Variants in TMEM164 observed in about 807,000 individuals in gnomAD.
The protein encoded by TMEM164 is RP13-360B22.2.
TMEM164 carries 4 observed loss-of-function variants against 18.8 expected under a neutral mutation model. The observed-to-expected ratio is 0.21, with a 90% confidence interval of 0.10 to 0.49. The LOEUF (loss-of-function observed/expected upper bound fraction) is 0.49, where lower values mean the gene tolerates loss of function less well. Among genes scored for constraint, TMEM164 ranks in the 20% least tolerant of loss-of-function variants. TMEM164 has a pLI of 0.98. For missense variants in TMEM164, 108 were observed against 239.9 expected (o/e 0.45, Z 3.63); for synonymous variants, 86 against 101.7 (o/e 0.85, Z 0.93).
intron 4 of TMEM164, among the ~76,000 whole-genome samples, chrX:110,126,843 T>TGC (rs2066538527): frequency 1.9e-5 from 2 of 106,410 alleles, no homozygotes; most frequent in Non-Finnish European, 3.9e-5. Flanking sequence ...TGTGTGTGTG[T>TGC]GTGTGTGTGT....
At position 110,139,668 on chromosome X, in the gene TMEM164, A is replaced by C. The variant is rs760514841; in HGVS notation, c.508-5130A>C. ...AGTCAGACAGTTGGATTTAGCCAGG[A>C]ATGTGGTATTGCAAGGTAAGTAGGA... On this transcript the variant is annotated intron_variant, in intron 4 of 6. Transcript: ENST00000372068. 4.5e-5 allele frequency among the ~76,000 whole-genome samples: 5 copies of C among 111,680 alleles called. 1 individual carries two copies. Among genetic ancestry groups the C allele is most frequent in the Non-Finnish European group, 9.4e-5 (5 of 53,157 alleles).
intron 4 of TMEM164, among the ~76,000 whole-genome samples, 154 bp from the exon 5 acceptor site, chrX:110,144,644 T>C (rs768286544): frequency 1.2e-4 from 13 of 110,170 alleles, no homozygotes; most frequent in Non-Finnish European, 3.8e-5. Flanking sequence ...ATTTTGTTCT[T>C]TTTTTTTTCC....
chrX:110,092,805 C>T (rs2065951855), intron 3 of TMEM164, among the ~76,000 whole-genome samples: 1 of 111,995 alleles, frequency 8.9e-6, no homozygotes, highest in African/African-American at 3.2e-5. Context: ...AAAGGGAATG[C>T]TTCCAGTTTA....
intron 2 of TMEM164, among the ~76,000 whole-genome samples, chrX:110,017,409 T>TTC (rs1569295225): frequency 1.7e-3 from 70 of 40,213 alleles, no homozygotes; most frequent in African/African-American, 7.1e-3. Context: ...CTCCTTCCTT[T>TTC]CTTTCTTTCT....
intron 2 of TMEM164, among the ~76,000 whole-genome samples, chrX:110,051,939 C>T (rs963248970): frequency 8.9e-6 from 1 of 112,397 alleles, no homozygotes; most frequent in Non-Finnish European, 1.9e-5. Flanking sequence ...AGGAATATGA[C>T]ACATAGCAAA....
intron 5 of TMEM164, among the ~76,000 whole-genome samples, chrX:110,158,101 G>C (rs183301553): frequency 9.0e-6 from 1 of 111,650 alleles, no homozygotes; most frequent in East Asian, 2.8e-4. Context: ...TGGCCAGGCT[G>C]GTCTCAAACT....
chrX:110,181,726 ATAG>A (rs1415655939), downstream of TMEM164, among the ~76,000 whole-genome samples: 1 of 112,690 alleles, frequency 8.9e-6, no homozygotes, highest in Non-Finnish European at 1.9e-5. Flanking sequence ...CATTTGTAAA[ATAG>A]TAGTAAATAT....
Position 110,003,889 on chromosome X carries a change from C to G in TMEM164, c.115C>G (p.Leu39Val). The G allele has an allele frequency of 3.3e-6, 4 of 1,211,842 alleles. No homozygotes were observed. The highest frequency in any genetic ancestry group is 4.5e-6 in the Non-Finnish European group (4 of 895,492). ...TGCCTTCCTCTCTTGGCAGCAGCGG[C>G]TGCTGGAAAGTGTGGTGGTCCTGAC... ...CAAFLSWQQR[L>V]LESVVVLTLA... The change falls in exon 2 of 7, where the codon CTG (leucine) becomes GTG (valine). Residue 39 changes from leucine (L) to valine (V), a missense_variant. By Grantham distance (32) the Leu-to-Val change is conservative (BLOSUM62 1). Coordinates refer to ENST00000372068, the MANE Select transcript of TMEM164 (RefSeq NM_032227.4).
chrX:110,080,778 G>A (rs1008014945), intron 3 of TMEM164, among the ~76,000 whole-genome samples: 1 of 111,593 alleles, frequency 9.0e-6, no homozygotes, highest in African/African-American at 3.3e-5. Context: ...GAGTGCAGTG[G>A]TGCATTCACG....
chrX:110,107,763 G>A (rs560930432), intron 3 of TMEM164, among the ~76,000 whole-genome samples: 2 of 107,139 alleles, frequency 1.9e-5, no homozygotes, highest in South Asian at 8.7e-4. Flanking sequence ...GAGTTCAAGC[G>A]ATTCTTGTGC....
chrX:110,052,891 C>T (rs886344204), intron 2 of TMEM164, among the ~76,000 whole-genome samples: 5 of 109,354 alleles, frequency 4.6e-5, no homozygotes, highest in Non-Finnish European at 9.5e-5. Flanking sequence ...GGTGGGGCTA[C>T]AGGCATGCAC....
chrX:110,097,116 C>G (rs771230941), intron 3 of TMEM164, among the ~76,000 whole-genome samples: 1 of 111,628 alleles, frequency 9.0e-6, no homozygotes, highest in Non-Finnish European at 1.9e-5. Flanking sequence ...GGATTACAGA[C>G]GCATGCCACC....
intron 6 of TMEM164, 32 bp downstream of exon 6, chrX:110,171,552 CT>C (rs2067231069): frequency 9.3e-7 from 1 of 1,077,212 alleles, no homozygotes; most frequent in African/African-American, 1.8e-5. Context: ...TCTATCCCCT[CT>C]GTTTGCAGTT....
intron 3 of TMEM164, among the ~76,000 whole-genome samples, chrX:110,091,540 C>A (rs753588375): frequency 1.8e-5 from 2 of 112,307 alleles, no homozygotes; most frequent in East Asian, 5.6e-4. Flanking sequence ...CCTTTGCCCA[C>A]TTTTTGATGG....
chrX:110,017,790 A>G (rs1933560048), intron 2 of TMEM164, among the ~76,000 whole-genome samples: 1 of 108,091 alleles, frequency 9.3e-6, no homozygotes, highest in Admixed American at 9.9e-5. Flanking sequence ...GCTGGTCTCG[A>G]ACTCCTGACC....
intron 2 of TMEM164, 95 bp downstream of exon 2, chrX:110,004,259 G>T: frequency 9.8e-7 from 1 of 1,024,297 alleles, no homozygotes; most frequent in Non-Finnish European, 1.3e-6. Flanking sequence ...ATCCCGGCGG[G>T]CAGGGGGACC....
chrX:110,168,228 GC>G (rs1341070885), intron 5 of TMEM164, among the ~76,000 whole-genome samples: 1 of 113,077 alleles, frequency 8.8e-6, no homozygotes, highest in Admixed American at 9.2e-5. Context: ...ACAACACGGT[GC>G]CCAGTCCACA....
rs184999704 is a variant in TMEM164 at position 110,058,520 on chromosome X, A to G, written c.391-8827A>G. ...TATTGTTGAGTCTTAAGAGCTATTT[A>G]TTCTGAATACTAGACTCCTATTAGA... On this transcript the variant is annotated intron_variant, in intron 2 of 6. Transcript: ENST00000372068. 1.4e-4 allele frequency among the ~76,000 whole-genome samples: 15 copies of G among 106,948 alleles called. No homozygotes were observed. In the East Asian group the frequency reaches 4.1e-3, roughly 29 times the overall value. 92.9% of individuals were successfully genotyped at this position (106,948 alleles called of 115,157 possible).
At chrX:110,153,310 A>G (rs2066970557) in intron 5 of TMEM164, among the ~76,000 whole-genome samples, 1 of 111,899 alleles carries the variant, frequency 8.9e-6, no homozygotes, top group Non-Finnish European at 1.9e-5. Flanking sequence ...TAGGTGATGA[A>G]TGAATGAATG....
Sources: allele counts gnomAD v4.1 joint callset (sites outside exome capture counted in the v4.1 genomes callset), GRCh38; gene constraint gnomAD v4.1.1; transcripts MANE v1.5; gene names NCBI Gene and HGNC (gene_info 2026-07-23, HGNC 2026-07-21).